The following ZNF391 variants were observed in gnomAD, a reference collection of about 807,000 sequenced individuals.
ZNF391 encodes zinc finger protein 391.
For missense variants in ZNF391, 375 were observed against 425.5 expected (o/e 0.88, Z 1.04); for synonymous variants, 126 against 142.1 (o/e 0.89, Z 0.80).
Position 27,378,548 on chromosome 6 carries a change from C to T in ZNF391, n.523+3411C>T, listed in dbSNP as rs547075363. Reference sequence around the variant, plus strand: ...TAATGTCATCAGTTAAGGCAAGGACCGGCTATTTTCACTTCTTTTGTGGTG... The same window carrying T: ...TAATGTCATCAGTTAAGGCAAGGACTGGCTATTTTCACTTCTTTTGTGGTG... On this transcript the variant is annotated intron_variant and non_coding_transcript_variant, in intron 1 of 2. Transcript: ENST00000477999. Among the ~76,000 whole-genome samples, 20 of 152,112 alleles carry T rather than the reference C, an allele frequency of 1.3e-4. No homozygotes were observed. The South Asian group carries it at 3.7e-3, about 28-fold the overall frequency.
At chr6:27,377,052 C>G (rs6456774) in intron 1 of ZNF391, among the ~76,000 whole-genome samples, 109,302 of 151,906 alleles carry the variant, frequency 0.72, 39,470 homozygotes, top group Middle Eastern at 0.82. Context: ...AGGGAATTGT[C>G]AACAACTGAG....
rs534037484 is a variant in ZNF391 at position 27,394,501 on chromosome 6, G to A, written c.-187-4941G>A. Among the ~76,000 whole-genome samples the A allele has an allele frequency of 2.6e-5, 4 of 152,364 alleles. No individual in the cohort carries two copies. In the South Asian group the frequency reaches 8.3e-4, roughly 32 times the overall value. On this transcript the variant is annotated intron_variant, in intron 1 of 2. Transcript: ENST00000244576. Reference sequence around the variant, plus strand: ...AGCCTCTGCCTAGAGTTAAGAGGATGTATGAGAAGGCCTGGGTGTCCAGGC... The same window carrying A: ...AGCCTCTGCCTAGAGTTAAGAGGATATATGAGAAGGCCTGGGTGTCCAGGC...
chr6:27,395,226 T>C (rs1014583391), intron 1 of ZNF391: 1 of 152,154 alleles, frequency 6.6e-6, no homozygotes, highest in African/African-American at 2.4e-5. Context: ...AAATCTCATG[T>C]TGAATTGTAA....
At chr6:27,396,119 T>C (rs4713092) in intron 1 of ZNF391, among the ~76,000 whole-genome samples, 108,282 of 152,002 alleles carry the variant, frequency 0.71, 38,768 homozygotes, top group Middle Eastern at 0.82. Context: ...TCAGACCTAC[T>C]ATTCCCTTTA....
intron 1 of ZNF391, among the ~76,000 whole-genome samples, chr6:27,378,658 A>AT (rs1327521130): frequency 3.3e-5 from 5 of 152,214 alleles, no homozygotes; most frequent in African/African-American, 1.2e-4. Context: ...ATCTGCATGT[A>AT]TACGTGCAGG....
intron 1 of ZNF391, among the ~76,000 whole-genome samples, chr6:27,395,743 A>G (rs943565183): frequency 3.3e-5 from 5 of 152,132 alleles, no homozygotes; most frequent in African/African-American, 1.2e-4. Context: ...CTACTTTTAG[A>G]TATCCTATAT....
At chr6:27,396,801 T>C (rs1561812897) in intron 1 of ZNF391, among the ~76,000 whole-genome samples, 1 of 152,218 alleles carries the variant, frequency 6.6e-6, no homozygotes, top group Non-Finnish European at 1.5e-5. Flanking sequence ...ATACTTTGTA[T>C]GTATGCATAA....
At chr6:27,379,002 T>C (rs1761458608) in intron 1 of ZNF391, among the ~76,000 whole-genome samples, 1 of 152,186 alleles carries the variant, frequency 6.6e-6, no homozygotes, top group African/African-American at 2.4e-5. Flanking sequence ...AAAATTTATG[T>C]TGTAGTTTAT....
upstream of ZNF391, among the ~76,000 whole-genome samples, chr6:27,387,150 G>A (rs1761595752): frequency 1.3e-5 from 2 of 152,148 alleles, no homozygotes; most frequent in African/African-American, 4.8e-5. Flanking sequence ...ATGAGATAAA[G>A]CTTATACCCA....
Position 27,375,622 on chromosome 6 carries a change from T to C in ZNF391, n.523+485T>C, listed in dbSNP as rs76456512. On this transcript the variant is annotated intron_variant and non_coding_transcript_variant, in intron 1 of 2. Transcript: ENST00000477999. The stretch of plus-strand genomic sequence containing the variant: ...GTATGTCAGGCTCTCTTCTAAGTAC[T>C]TTACATGTTTTATCGCATTTGAGAA... 2.5e-3 allele frequency among the ~76,000 whole-genome samples: 379 copies of C among 152,286 alleles called. 5 individuals carry two copies. The East Asian group carries it at 0.031, about 12-fold the overall frequency.
intron 1 of ZNF391, among the ~76,000 whole-genome samples, chr6:27,381,797 C>G (rs1018210133): frequency 6.6e-6 from 1 of 152,146 alleles, no homozygotes; most frequent in Non-Finnish European, 1.5e-5. Flanking sequence ...CTTTAGGAGG[C>G]CAAGACAGGC....
rs765383408 is a variant in ZNF391, at chr6:27,401,493, C to T, written c.*46C>T. 5 of 1,358,302 alleles carry T rather than the reference C, an allele frequency of 3.7e-6. No homozygotes were observed. Among genetic ancestry groups the T allele is most frequent in the Non-Finnish European group, 5.0e-6 (5 of 994,138 alleles). 84.1% of individuals were successfully genotyped at this position (1,358,302 alleles called of 1,614,324 possible). On this transcript the variant is annotated 3_prime_UTR_variant, in exon 3 of 3. Transcript: ENST00000244576. ...TTAGCATAAGAACACATATACCTAA[C>T]CTCCCACCACTGAAATATATATATT...
At chr6:27,382,914 G>A (rs1262598317) in intron 1 of ZNF391, among the ~76,000 whole-genome samples, 1 of 152,088 alleles carries the variant, frequency 6.6e-6, no homozygotes, top group Non-Finnish European at 1.5e-5. Context: ...GGGGTCAGGA[G>A]GTCAAGACCA....
At chr6:27,392,340 C>T (rs1487374433) in intron 1 of ZNF391, among the ~76,000 whole-genome samples, 1 of 152,198 alleles carries the variant, frequency 6.6e-6, no homozygotes, top group Non-Finnish European at 1.5e-5. Flanking sequence ...ACTGCAACCT[C>T]TACCTCCCAG....
upstream of ZNF391, among the ~76,000 whole-genome samples, chr6:27,386,093 C>T (rs897579803): frequency 1.3e-4 from 20 of 152,198 alleles, no homozygotes; most frequent in South Asian, 1.7e-3. Context: ...AAAATGAAAA[C>T]ACAACTTATC....
At chr6:27,375,505 A>C (rs903568014) in intron 1 of ZNF391, among the ~76,000 whole-genome samples, 1 of 152,212 alleles carries the variant, frequency 6.6e-6, no homozygotes, top group Non-Finnish European at 1.5e-5. Flanking sequence ...TTTATAACAC[A>C]CAAACATTAA....
intron 1 of ZNF391, 92 bp downstream of exon 1, chr6:27,389,167 G>A: frequency 2.2e-6 from 1 of 456,666 alleles, no homozygotes; most frequent in South Asian, 1.5e-5. Flanking sequence ...TGCAGGTCGG[G>A]TCAGGAGGCA....
At position 27,376,453 on chromosome 6, in the gene ZNF391, C is replaced by A. The variant is rs1478686188; in HGVS notation, n.523+1316C>A. ...TAGGATTAGAATCCCTTTCTATTCC[C>A]AGTTCAGTCTTTTTCCTTATACTAC... On this transcript the variant is annotated intron_variant and non_coding_transcript_variant, in intron 1 of 2. Transcript: ENST00000477999. The surrounding 1 kb of genome is among the most constrained non-coding windows in gnomAD (Gnocchi z 4.7). Among the ~76,000 whole-genome samples, 2 of 152,134 alleles carry A rather than the reference C, an allele frequency of 1.3e-5. No individual in the cohort carries two copies. The highest frequency in any genetic ancestry group is 2.9e-5 in the Non-Finnish European group (2 of 68,026).
intron 1 of ZNF391, among the ~76,000 whole-genome samples, chr6:27,379,781 T>G (rs1305873638): frequency 6.6e-6 from 1 of 152,216 alleles, no homozygotes; most frequent in Non-Finnish European, 1.5e-5. Flanking sequence ...AACAATCTAT[T>G]TAACCAGAGC....
Sources: gnomAD v4.1 joint callset for allele counts (sites outside exome capture counted in the v4.1 genomes callset) on GRCh38, gnomAD v4.1.1 for gene constraint, Gnocchi (gnomAD v3.1) non-coding constraint, MANE v1.5 for transcripts, NCBI Gene and HGNC (gene_info 2026-07-23, HGNC 2026-07-21) for gene names.